IPO9: variants seen among roughly 807,000 people sequenced by gnomAD.
The protein encoded by IPO9 is importin-9.
IPO9 carries 28 observed loss-of-function variants against 128.6 expected under a neutral mutation model. The ratio of observed to expected loss-of-function variants is 0.22; its 90% CI spans 0.16 to 0.30. The LOEUF (loss-of-function observed/expected upper bound fraction) is 0.30, where lower values mean the gene tolerates loss of function less well. IPO9 is among the 10% of genes least tolerant of loss of function. The probability of loss-of-function intolerance (pLI) is 1.00; values close to 1 mark genes in which losing one functional copy is unlikely to be tolerated. For synonymous variants in IPO9, 455 were observed against 475.8 expected (o/e 0.96, Z 0.57); for missense variants, 935 against 1,293.9 (o/e 0.72, Z 4.26).
intron 1 of IPO9, among the ~76,000 whole-genome samples, chr1:201,846,751 C>T (rs183728919): frequency 6.6e-6 from 1 of 152,248 alleles, no homozygotes; most frequent in East Asian, 1.9e-4. Flanking sequence ...CTCACTGCAA[C>T]CTCGTCCTCC....
In IPO9 at chr1:201,881,528, G is replaced by T. The variant is rs1028818137; in HGVS notation, c.*5474G>T. ...TTTCATTTTCAGACCTTATAAGCAC[G>T]TTACAAGTACTGATATTTATGCTTA... On this transcript the variant is annotated 3_prime_UTR_variant, in exon 24 of 24. Coordinates refer to ENST00000361565, the MANE Select transcript of IPO9 (RefSeq NM_018085.5). The T allele has an allele frequency of 1.3e-5, 2 of 152,146 alleles. No individual in the cohort carries two copies. Among genetic ancestry groups the T allele is most frequent in the Non-Finnish European group, 2.9e-5 (2 of 68,022 alleles). The allele number at this position is 152,146 out of a possible 1,614,324, so 9.4% of individuals were successfully genotyped here. A position where few individuals can be genotyped will look rare whatever the true frequency, so the allele number is the denominator to read the frequency against.
chr1:201,838,288 G>T, intron 1 of IPO9, among the ~76,000 whole-genome samples: 1 of 152,180 alleles, frequency 6.6e-6, no homozygotes, highest in East Asian at 1.9e-4. Flanking sequence ...AGGAATTGTG[G>T]ATGCCCTTAC....
At chr1:201,856,917 G>C (rs1028239236) in intron 10 of IPO9, among the ~76,000 whole-genome samples, 179 bp from the exon 11 acceptor site, 3 of 152,102 alleles carry the variant, frequency 2.0e-5, no homozygotes, top group Non-Finnish European at 2.9e-5. Context: ...AAACTCCTGG[G>C]CTCAAGCAGT....
chr1:201,871,552 A>T (rs947129746), intron 19 of IPO9, among the ~76,000 whole-genome samples: 33 of 151,788 alleles, frequency 2.2e-4, no homozygotes, highest in African/African-American at 8.0e-4. Flanking sequence ...TACCCAGTGA[A>T]TTCTTTGTGT....
rs1272254618 is a variant in IPO9, at chr1:201,870,924, G to C, written c.2409+66G>C. The C allele has an allele frequency of 4.3e-6, 6 of 1,406,972 alleles. No homozygotes were observed. The highest frequency in any genetic ancestry group is 2.4e-5 in the East Asian group (1 of 41,538). The allele number at this position is 1,406,972 out of a possible 1,614,324, so 87.2% of individuals were successfully genotyped here. A position where few individuals can be genotyped will look rare whatever the true frequency, so the allele number is the denominator to read the frequency against. Reference sequence around the variant, plus strand: ...GATAGAAATGAAAATTCGTATTTTGGTCCTGAGTTATTTTATTTTACCCTC... The same window carrying C: ...GATAGAAATGAAAATTCGTATTTTGCTCCTGAGTTATTTTATTTTACCCTC... On this transcript the variant is annotated intron_variant, in intron 18 of 23. Transcript: ENST00000361565. This position sits in a 1 kb window ranked among gnomAD's most constrained non-coding sequence, Gnocchi z 4.9.
intron 14 of IPO9, among the ~76,000 whole-genome samples, chr1:201,864,634 A>T (rs1272256386): frequency 1.3e-5 from 2 of 152,166 alleles, no homozygotes; most frequent in Admixed American, 1.3e-4. Flanking sequence ...CTGTGAGAGG[A>T]GTTTGGTATG....
At position 201,871,152 on chromosome 1, in the gene IPO9, T is replaced by G; in HGVS notation, c.2410-9T>G. 6.2e-7 allele frequency: 1 copy of G among 1,609,942 alleles called. No individual in the cohort carries two copies. The highest frequency in any genetic ancestry group is 2.2e-5 in the East Asian group (1 of 44,796). On this transcript the variant is annotated splice_polypyrimidine_tract_variant and intron_variant, in intron 18 of 23. Transcript: ENST00000361565. The stretch of plus-strand genomic sequence containing the variant: ...TTTCCCTGAAGCAAATGTCCTTATT[T>G]TCTCCTAGTCCCTGATCATGGTGTT...
In IPO9 at chr1:201,881,635, C is replaced by T. The variant is rs1235560193; in HGVS notation, c.*5581C>T. 6.6e-6 allele frequency: 1 copy of T among 152,174 alleles called. No individual in the cohort carries two copies. The highest frequency in any genetic ancestry group is 1.5e-5 in the Non-Finnish European group (1 of 68,036). 9.4% of individuals were successfully genotyped at this position (152,174 alleles called of 1,614,324 possible). A position where few individuals can be genotyped will look rare whatever the true frequency, so the allele number is the denominator to read the frequency against. On this transcript the variant is annotated 3_prime_UTR_variant, in exon 24 of 24. Coordinates refer to ENST00000361565, the MANE Select transcript of IPO9 (RefSeq NM_018085.5). ...GTGAAGGATCCTTCAAGACCTGCTT[C>T]CTCTAGAGAATGGGAGACTACCCAA...
Position 201,854,937 on chromosome 1 carries a change from A to T in IPO9, c.911+14A>T. 1.9e-6 allele frequency: 3 copies of T among 1,578,652 alleles called. No homozygotes were observed. Among genetic ancestry groups the T allele is most frequent in the South Asian group, 2.4e-5 (2 of 84,688 alleles). On this transcript the variant is annotated intron_variant, in intron 8 of 23. Coordinates refer to ENST00000361565, the MANE Select transcript of IPO9 (RefSeq NM_018085.5). ...GAGTGCAGCTTTATATCCTTTCTTGAAAGTTTAAGGGAGCTACTACCACCT... is the reference window on the plus strand; with the variant it reads ...GAGTGCAGCTTTATATCCTTTCTTGTAAGTTTAAGGGAGCTACTACCACCT...
rs564226960 is a variant in IPO9 at position 201,883,938 on chromosome 1, C to T, written c.*7884C>T. ...TTTTTCCCTTGAACAGGGAGAGAGA[C>T]ACAATGGATCAGAGTGTCTCTGCCA... On this transcript the variant is annotated 3_prime_UTR_variant, in exon 24 of 24. Transcript: ENST00000361565. 1 of 152,336 alleles carries T rather than the reference C, an allele frequency of 6.6e-6. No individual in the cohort carries two copies. Among genetic ancestry groups the T allele is most frequent in the African/African-American group, 2.4e-5 (1 of 41,566 alleles). 9.4% of individuals were successfully genotyped at this position (152,336 alleles called of 1,614,324 possible).
intron 14 of IPO9, among the ~76,000 whole-genome samples, chr1:201,863,859 C>A (rs1401164273): frequency 2.0e-5 from 3 of 152,170 alleles, no homozygotes; most frequent in African/African-American, 7.2e-5. Context: ...AGGCAACTCC[C>A]TTTCTCTCAA....
At chr1:201,864,861 A>C in intron 14 of IPO9, among the ~76,000 whole-genome samples, 1 of 152,222 alleles carries the variant, frequency 6.6e-6, no homozygotes, top group East Asian at 1.9e-4. Context: ...ACTGTGAAGA[A>C]AACTTTTATT....
At chr1:201,856,232 A>G (rs1680327316) in intron 10 of IPO9, among the ~76,000 whole-genome samples, 1 of 151,542 alleles carries the variant, frequency 6.6e-6, no homozygotes, top group Admixed American at 6.6e-5. Flanking sequence ...TGGCCTCTCA[A>G]AGTGCTGGGA....
chr1:201,842,605 G>A (rs1293038770), intron 1 of IPO9, among the ~76,000 whole-genome samples: 2 of 152,150 alleles, frequency 1.3e-5, no homozygotes, highest in African/African-American at 2.4e-5. Context: ...GGAGCTGTTT[G>A]CCAGGAAATG....
rs1236706420 is a variant in IPO9 at position 201,881,092 on chromosome 1, T to C, written c.*5038T>C. ...TGGGGAGTGCTGTGAGAGAAATAAG[T>C]GTACTGGGTTTAGTTCCCACTGCCC... On this transcript the variant is annotated 3_prime_UTR_variant, in exon 24 of 24. Transcript: ENST00000361565. The C allele has an allele frequency of 2.0e-5, 3 of 152,092 alleles. 1 individual carries two copies. The highest frequency in any genetic ancestry group is 4.4e-5 in the Non-Finnish European group (3 of 68,014). 9.4% of individuals were successfully genotyped at this position (152,092 alleles called of 1,614,324 possible).
chr1:201,875,112 C>G (rs747262882), intron 22 of IPO9, 40 bp from the exon 23 acceptor site: 1 of 1,573,398 alleles, frequency 6.4e-7, no homozygotes, highest in Non-Finnish European at 8.8e-7. Flanking sequence ...TGATCATGGG[C>G]CTTTGTCCTG....
chr1:201,831,238 A>C (rs1679827488), intron 1 of IPO9, among the ~76,000 whole-genome samples: 1 of 152,224 alleles, frequency 6.6e-6, no homozygotes, highest in African/African-American at 2.4e-5. Flanking sequence ...ACTGATGAGA[A>C]ATAGATCGAC....
intron 4 of IPO9, among the ~76,000 whole-genome samples, chr1:201,851,330 C>G (rs569170834): frequency 1.3e-5 from 2 of 151,918 alleles, no homozygotes; most frequent in Non-Finnish European, 2.9e-5. Context: ...ATGTCCATTT[C>G]TATAGTGATA....
intron 1 of IPO9, among the ~76,000 whole-genome samples, chr1:201,837,793 A>G (rs1160186490): frequency 6.6e-6 from 1 of 152,214 alleles, no homozygotes; most frequent in Admixed American, 6.5e-5. Flanking sequence ...ATACTAGGCC[A>G]GGCACGGGGG....
Sources: allele counts gnomAD v4.1 joint callset (sites outside exome capture counted in the v4.1 genomes callset), GRCh38; gene constraint gnomAD v4.1.1; non-coding constraint Gnocchi (gnomAD v3.1); transcripts MANE v1.5; gene names NCBI Gene and HGNC (gene_info 2026-07-23, HGNC 2026-07-21).